FHIP1A: variants seen among roughly 807,000 people sequenced by gnomAD.
The protein encoded by FHIP1A is FHF complex subunit HOOK interacting protein 1A, also known as FHF complex subunit HOOK-interacting protein 1A.
FHIP1A carries 61 observed loss-of-function variants against 88.6 expected under a neutral mutation model. That is an observed-to-expected ratio of 0.69 (90% CI 0.56 to 0.85). The LOEUF (loss-of-function observed/expected upper bound fraction) is 0.85. FHIP1A is among the 40% of genes least tolerant of loss of function. The pLI, the probability that FHIP1A is intolerant of heterozygous loss-of-function variation, is 0.00. For missense variants in FHIP1A, 1,154 were observed against 1,273.5 expected (o/e 0.91, Z 1.43); for synonymous variants, 478 against 496.0 (o/e 0.96, Z 0.48).
chr4:151,494,363 G>A (rs995701115), intron 3 of FHIP1A, among the ~76,000 whole-genome samples: 1 of 152,196 alleles, frequency 6.6e-6, no homozygotes, highest in Admixed American at 6.5e-5. Context: ...GTATAAGGAG[G>A]AAGTCCAGCT....
chr4:151,468,092 G>A (rs1729387524), intron 2 of FHIP1A, among the ~76,000 whole-genome samples: 1 of 151,518 alleles, frequency 6.6e-6, no homozygotes. Context: ...AGACCGTCCT[G>A]GCTAACGCAG....
chr4:151,568,032 A>G (rs1245132002), intron 4 of FHIP1A, among the ~76,000 whole-genome samples: 4 of 152,134 alleles, frequency 2.6e-5, no homozygotes, highest in South Asian at 4.1e-4. Context: ...TATATCATCA[A>G]CTTCTTGATT....
Position 151,431,054 on chromosome 4 carries a change from A to G in FHIP1A, c.-356+21589A>G, listed in dbSNP as rs183926303. Among the ~76,000 whole-genome samples, 11 of 152,300 alleles carry G rather than the reference A, an allele frequency of 7.2e-5. No individual in the cohort carries two copies. The East Asian group carries it at 1.4e-3, about 19-fold the overall frequency. On this transcript the variant is annotated intron_variant, in intron 1 of 13. Coordinates refer to ENST00000435205, the MANE Select transcript of FHIP1A (RefSeq NM_001109977.3). ...ACATTTTTTTGTGCCTAGCAATAATAAGATTTGTGAGAGAACCATCTTTTG... is the reference window on the plus strand; with the variant it reads ...ACATTTTTTTGTGCCTAGCAATAATGAGATTTGTGAGAGAACCATCTTTTG...
At chr4:151,508,712 T>C (rs1730918772) in intron 3 of FHIP1A, among the ~76,000 whole-genome samples, 1 of 152,200 alleles carries the variant, frequency 6.6e-6, no homozygotes, top group Non-Finnish European at 1.5e-5. Flanking sequence ...GACTTGGACT[T>C]GGAACCCACT....
At chr4:151,475,188 T>G (rs1028294834) in intron 2 of FHIP1A, among the ~76,000 whole-genome samples, 1 of 152,218 alleles carries the variant, frequency 6.6e-6, no homozygotes, top group African/African-American at 2.4e-5. Context: ...AAATAGTAAG[T>G]ACTTCCCATG....
chr4:151,519,247 T>G (rs1731367430), intron 3 of FHIP1A, among the ~76,000 whole-genome samples: 1 of 152,116 alleles, frequency 6.6e-6, no homozygotes, highest in Non-Finnish European at 1.5e-5. Context: ...AATCCCTACC[T>G]CCCACCCTTC....
intron 1 of FHIP1A, among the ~76,000 whole-genome samples, chr4:151,450,033 T>C (rs572074269): frequency 2.6e-5 from 4 of 152,304 alleles, no homozygotes; most frequent in African/African-American, 7.2e-5. Flanking sequence ...AATTAAAATT[T>C]TACAAATAAG....
chr4:151,511,338 C>T (rs1731020644), intron 3 of FHIP1A, among the ~76,000 whole-genome samples: 1 of 152,210 alleles, frequency 6.6e-6, no homozygotes, highest in Non-Finnish European at 1.5e-5. Context: ...CTCCGGTCTA[C>T]AGCTCCTAGT....
At chr4:151,622,940 A>G (rs1175003645) in intron 7 of FHIP1A, among the ~76,000 whole-genome samples, 5 of 152,200 alleles carry the variant, frequency 3.3e-5, no homozygotes, top group Admixed American at 3.3e-4. Context: ...CTAATAAATT[A>G]TATCATAATG....
intron 1 of FHIP1A, among the ~76,000 whole-genome samples, chr4:151,410,019 G>T (rs1031242777): frequency 6.6e-6 from 1 of 152,176 alleles, no homozygotes; most frequent in Non-Finnish European, 1.5e-5. Flanking sequence ...TTGATAGTGT[G>T]TATGTGTTTG....
At chr4:151,490,770 A>G (rs1421453927) in intron 3 of FHIP1A, among the ~76,000 whole-genome samples, 1 of 152,186 alleles carries the variant, frequency 6.6e-6, no homozygotes, top group East Asian at 1.9e-4. Context: ...TGGATGAAAA[A>G]GTCTCCAGAG....
At chr4:151,424,642 T>C (rs1428763333) in intron 1 of FHIP1A, among the ~76,000 whole-genome samples, 1 of 152,188 alleles carries the variant, frequency 6.6e-6, no homozygotes. Context: ...TTTCATGTTA[T>C]ATGCCAAGTA....
intron 2 of FHIP1A, among the ~76,000 whole-genome samples, chr4:151,473,327 T>TTTA (rs1729592370): frequency 6.6e-6 from 1 of 152,118 alleles, no homozygotes; most frequent in Non-Finnish European, 1.5e-5. Context: ...TTTTTTAAAA[T>TTTA]TTATTTTAAG....
chr4:151,654,041 C>G (rs1012815717), intron 11 of FHIP1A, among the ~76,000 whole-genome samples: 2 of 151,446 alleles, frequency 1.3e-5, no homozygotes, highest in African/African-American at 4.9e-5. Context: ...AGCTGCTTAC[C>G]AGATCCCCCT....
intron 3 of FHIP1A, among the ~76,000 whole-genome samples, chr4:151,550,577 T>C (rs28539581): frequency 0.034 from 5,152 of 152,292 alleles, 296 homozygotes; most frequent in African/African-American, 0.12. Context: ...ACAGCTGTGG[T>C]GTGTTTTTGT....
At chr4:151,623,437 C>T (rs1424633299) in intron 7 of FHIP1A, among the ~76,000 whole-genome samples, 3 of 150,330 alleles carry the variant, frequency 2.0e-5, no homozygotes, top group Non-Finnish European at 4.4e-5. Context: ...GGAGGTTGTA[C>T]TTTTCCCCCT....
chr4:151,641,241 C>G lies in FHIP1A; in HGVS notation c.1226+2485C>G, dbSNP rs1303810063. 3.3e-5 allele frequency among the ~76,000 whole-genome samples: 5 copies of G among 152,196 alleles called. No homozygotes were observed. In the East Asian group the frequency reaches 9.6e-4, roughly 29 times the overall value. On this transcript the variant is annotated intron_variant, in intron 9 of 13. Transcript: ENST00000435205. ...TTGAGGGATTCCACCAGGAGAGAAA[C>G]TGAGAGGACATACACAGAAGTCAGT...
intron 1 of FHIP1A, among the ~76,000 whole-genome samples, chr4:151,415,393 G>T (rs1185426212): frequency 6.6e-6 from 1 of 152,058 alleles, no homozygotes; most frequent in African/African-American, 2.4e-5. Flanking sequence ...GGCCAGGTTG[G>T]TCTCAAACTC....
chr4:151,533,045 G>C (rs1731936960), intron 3 of FHIP1A: 1 of 152,190 alleles, frequency 6.6e-6, no homozygotes, highest in African/African-American at 2.4e-5. Context: ...TGATGTTTTT[G>C]CAGGTGAGTG....
Sources: gnomAD v4.1 joint callset for allele counts (sites outside exome capture counted in the v4.1 genomes callset) on GRCh38, gnomAD v4.1.1 for gene constraint, MANE v1.5 for transcripts, NCBI Gene and HGNC (gene_info 2026-07-23, HGNC 2026-07-21) for gene names.